OSBPL10: variants seen among roughly 807,000 people sequenced by gnomAD.
OSBPL10 encodes oxysterol-binding protein-related protein 10.
OSBPL10 carries 49 observed loss-of-function variants against 81.7 expected under a neutral mutation model. That is an observed-to-expected ratio of 0.60 (90% CI 0.48 to 0.76). The LOEUF is 0.76. OSBPL10 is among the 30% of genes least tolerant of loss of function. The probability of loss-of-function intolerance (pLI) is 0.00; values close to 1 mark genes in which losing one functional copy is unlikely to be tolerated. For synonymous variants in OSBPL10, 419 were observed against 383.6 expected (o/e 1.09, Z -1.08); for missense variants, 923 against 987.8 (o/e 0.93, Z 0.88).
chr3:31,662,371 C>T, intron 11 of OSBPL10: 1 of 1,231,292 alleles, frequency 8.1e-7, no homozygotes, highest in Non-Finnish European at 1.0e-6. Flanking sequence ...GGTTGGCTTC[C>T]ATCGAGACTG....
chr3:31,930,179 TA>T (rs1398804261), intron 1 of OSBPL10, among the ~76,000 whole-genome samples: 1 of 151,824 alleles, frequency 6.6e-6, no homozygotes, highest in Non-Finnish European at 1.5e-5. Flanking sequence ...TTTTTTTAAT[TA>T]AAAAACAGTT....
chr3:31,927,075 C>T (rs542718958), intron 1 of OSBPL10, among the ~76,000 whole-genome samples: 1 of 152,282 alleles, frequency 6.6e-6, no homozygotes, highest in South Asian at 2.1e-4. Context: ...CGTGTCACTG[C>T]ACTCCAGCCT....
chr3:31,688,283 T>A (rs12715187), intron 7 of OSBPL10, among the ~76,000 whole-genome samples: 65,504 of 115,288 alleles, frequency 0.57, 19,158 homozygotes, highest in Non-Finnish European at 0.65. Flanking sequence ...TCTCTCTCTC[T>A]CACACACACA....
chr3:31,826,221 G>A (rs1240993120), intron 4 of OSBPL10, among the ~76,000 whole-genome samples: 6 of 152,148 alleles, frequency 3.9e-5, no homozygotes, highest in Non-Finnish European at 8.8e-5. Flanking sequence ...GTAGCAAAAA[G>A]ACAATCTGCA....
At chr3:31,812,743 AAAGAAAGAAAGAAAGAAAG>A (rs1699722951) in intron 4 of OSBPL10, among the ~76,000 whole-genome samples, 1 of 25,968 alleles carries the variant, frequency 3.9e-5, no homozygotes, top group African/African-American at 1.6e-4. Flanking sequence ...AGAAAGAAAG[AAAGAAAGAAAGAAAGAAAG>A]AAAGAAAGAA....
intron 3 of OSBPL10, among the ~76,000 whole-genome samples, chr3:31,845,477 T>C (rs1700605691): frequency 1.3e-5 from 2 of 152,236 alleles, no homozygotes; most frequent in Non-Finnish European, 2.9e-5. Context: ...CAGGATCTTC[T>C]TTCCTCTATT....
At chr3:32,005,166 C>T (rs1035514975) in intron 2 of OSBPL10, among the ~76,000 whole-genome samples, 3 of 152,056 alleles carry the variant, frequency 2.0e-5, no homozygotes, top group Non-Finnish European at 4.4e-5. Context: ...CCCATCAACG[C>T]GTCATCTAGG....
At chr3:31,871,268 T>C (rs7652132) in intron 3 of OSBPL10, among the ~76,000 whole-genome samples, 83,232 of 151,802 alleles carry the variant, frequency 0.55, 25,271 homozygotes, top group African/African-American at 0.83. Flanking sequence ...AGCGAGACCA[T>C]GAGCCCACCG....
rs181095231 is a variant in OSBPL10 at position 31,661,736 on chromosome 3, C to A, written c.*336G>T. On this transcript the variant is annotated 3_prime_UTR_variant, in exon 12 of 12. Transcript: ENST00000396556. The stretch of plus-strand genomic sequence containing the variant: ...GGCAAAGTGAAAAATAGAAAAACTT[C>A]AAACTTCATTGATAAAAAGGAGCTT... 9.9e-5 allele frequency: 20 copies of A among 201,884 alleles called. No homozygotes were observed. Among genetic ancestry groups the A allele is most frequent in the African/African-American group, 3.9e-4 (17 of 43,506 alleles). 12.5% of individuals were successfully genotyped at this position (201,884 alleles called of 1,614,324 possible).
At position 31,967,306 on chromosome 3, in the gene OSBPL10, G is replaced by C. The variant is rs149447053; in HGVS notation, c.281+13593C>G. Among the ~76,000 whole-genome samples, 4 of 152,172 alleles carry C rather than the reference G, an allele frequency of 2.6e-5. No individual in the cohort carries two copies. In the East Asian group the frequency reaches 7.8e-4, roughly 30 times the overall value. ...CGTTGCAGGGAGCTTGCCATTGCCA[G>C]GGCTGGTCTCAAACTCTTGGCCTCA... On this transcript the variant is annotated intron_variant, in intron 1 of 11. Coordinates refer to ENST00000396556, the MANE Select transcript of OSBPL10 (RefSeq NM_017784.5).
intron 6 of OSBPL10, chr3:31,708,992 C>G: frequency 1.5e-5 from 15 of 985,450 alleles, no homozygotes; most frequent in Non-Finnish European, 1.7e-5. Flanking sequence ...GAGCCACTTC[C>G]AAAGCCAGGC....
At chr3:31,852,255 C>T (rs190144353) in intron 3 of OSBPL10, among the ~76,000 whole-genome samples, 2 of 152,258 alleles carry the variant, frequency 1.3e-5, no homozygotes, top group Non-Finnish European at 2.9e-5. Context: ...GCTCCTTCCC[C>T]TCCCCCAAAG....
At chr3:31,991,062 T>C in intron 2 of OSBPL10, 1 of 1,287,030 alleles carries the variant, frequency 7.8e-7, no homozygotes, top group Non-Finnish European at 1.1e-6. Flanking sequence ...CATCAAGCAT[T>C]AATTGACATT....
At chr3:31,869,986 C>G (rs1407245759) in intron 3 of OSBPL10, among the ~76,000 whole-genome samples, 1 of 152,248 alleles carries the variant, frequency 6.6e-6, no homozygotes, top group East Asian at 1.9e-4. Context: ...CGCCTGCTCT[C>G]GGCACCTCCT....
At chr3:31,905,399 G>T (rs1319896729) in intron 1 of OSBPL10, among the ~76,000 whole-genome samples, 1 of 139,284 alleles carries the variant, frequency 7.2e-6, no homozygotes, top group African/African-American at 2.7e-5. Flanking sequence ...ACCCAGGCTG[G>T]AGTGTAGTGG....
chr3:31,750,139 G>A (rs772211889), intron 4 of OSBPL10, among the ~76,000 whole-genome samples: 3 of 151,006 alleles, frequency 2.0e-5, no homozygotes, highest in Non-Finnish European at 4.4e-5. Context: ...CTGAGATCGC[G>A]CCACTGCACT....
intron 2 of OSBPL10, among the ~76,000 whole-genome samples, chr3:32,018,284 G>C (rs953683464): frequency 8.5e-5 from 13 of 152,114 alleles, no homozygotes; most frequent in East Asian, 1.9e-4. Context: ...TCAGAAACCA[G>C]CTTTTTAGAA....
In OSBPL10 at chr3:31,830,067, A is replaced by G; in HGVS notation, c.702T>C (p.Tyr234=). ...CTCTGACTTCGTGAAGCTGGCCGGA[A>G]TACTGACTCTTGGCTCTTCGGGCGG... ...PAAARRAKSQ[Y]SGQLHEVREM... Residue 234 remains tyrosine, a synonymous_variant, in exon 4 of 12, where the codon TAT becomes TAC. Transcript: ENST00000396556. The G allele has an allele frequency of 6.2e-7, 1 of 1,613,782 alleles. No homozygotes were observed. Among genetic ancestry groups the G allele is most frequent in the Non-Finnish European group, 8.5e-7 (1 of 1,179,972 alleles).
At chr3:31,806,871 T>C (rs1284249780) in intron 4 of OSBPL10, among the ~76,000 whole-genome samples, 1 of 152,018 alleles carries the variant, frequency 6.6e-6, no homozygotes, top group Non-Finnish European at 1.5e-5. Flanking sequence ...CTTGGCATGT[T>C]CTAGGAACAG....
Sources: gnomAD v4.1 joint callset for allele counts (sites outside exome capture counted in the v4.1 genomes callset) on GRCh38, gnomAD v4.1.1 for gene constraint, MANE v1.5 for transcripts, NCBI Gene and HGNC (gene_info 2026-07-23, HGNC 2026-07-21) for gene names.